The following CACNA2D3 variants were observed in gnomAD, a reference collection of about 807,000 sequenced individuals.
The protein encoded by CACNA2D3 is voltage-dependent calcium channel subunit alpha-2/delta-3.
CACNA2D3 carries 60 observed loss-of-function variants against 160.6 expected under a neutral mutation model. The observed-to-expected ratio is 0.37, with a 90% confidence interval of 0.30 to 0.46. CACNA2D3 has a LOEUF of 0.46. Ranked by LOEUF, CACNA2D3 falls within the 20% of genes least tolerant of loss-of-function variation. The pLI, the probability that CACNA2D3 is intolerant of heterozygous loss-of-function variation, is 1.00. For missense variants in CACNA2D3, 1,205 were observed against 1,365.0 expected, an observed-to-expected ratio of 0.88 and a Z score of 1.85; for synonymous variants, 558 against 492.9, an observed-to-expected ratio of 1.13 and a Z score of -1.75.
intron 11 of CACNA2D3, among the ~76,000 whole-genome samples, chr3:54,736,117 A>G (rs1164020990): frequency 5.1e-5 from 1 of 19,724 alleles, no homozygotes; most frequent in South Asian, 1.8e-3. Context: ...ATGTATATAT[A>G]TACATATATA....
intron 2 of CACNA2D3, among the ~76,000 whole-genome samples, chr3:54,210,152 C>T (rs1701347088): frequency 6.6e-6 from 1 of 152,066 alleles, no homozygotes; most frequent in Admixed American, 6.6e-5. Context: ...AAAAGTAGAG[C>T]AGTAAGGAGG....
chr3:54,267,321 G>C (rs1406202118), intron 2 of CACNA2D3, among the ~76,000 whole-genome samples: 2 of 152,176 alleles, frequency 1.3e-5, no homozygotes, highest in African/African-American at 4.8e-5. Flanking sequence ...TTTAGTGAAA[G>C]TGACTTGCTG....
chr3:54,723,506 C>T (rs1481186693), intron 11 of CACNA2D3, among the ~76,000 whole-genome samples: 1 of 152,214 alleles, frequency 6.6e-6, no homozygotes, highest in African/African-American at 2.4e-5. Flanking sequence ...GCTTGAAACC[C>T]AGGGCCCTGG....
intron 4 of CACNA2D3, among the ~76,000 whole-genome samples, chr3:54,434,219 G>A (rs1700029459): frequency 1.3e-5 from 2 of 152,150 alleles, no homozygotes; most frequent in African/African-American, 4.8e-5. Context: ...CAAGTTGGGG[G>A]TAGTCAGCTT....
chr3:54,614,881 C>G (rs1309590586), intron 9 of CACNA2D3, among the ~76,000 whole-genome samples: 1 of 152,082 alleles, frequency 6.6e-6, no homozygotes, highest in Non-Finnish European at 1.5e-5. Context: ...CAAAAATCAT[C>G]AACATTTGGA....
At chr3:54,950,614 G>A (rs1701734140) in intron 27 of CACNA2D3, among the ~76,000 whole-genome samples, 1 of 152,126 alleles carries the variant, frequency 6.6e-6, no homozygotes, top group Non-Finnish European at 1.5e-5. Flanking sequence ...CAGGAGAGTG[G>A]ACCTGCACAG....
intron 4 of CACNA2D3, among the ~76,000 whole-genome samples, chr3:54,438,756 A>C (rs1472329615): frequency 6.6e-6 from 1 of 152,246 alleles, no homozygotes; most frequent in African/African-American, 2.4e-5. Context: ...GGGGTAATTT[A>C]ACAATCATTA....
At chr3:54,438,998 T>A (rs771832730) in intron 4 of CACNA2D3, among the ~76,000 whole-genome samples, 2 of 152,206 alleles carry the variant, frequency 1.3e-5, no homozygotes, top group Admixed American at 6.5e-5. Context: ...GCCCAATCAG[T>A]CGACCAGGTG....
At chr3:55,041,861 C>G (rs1703966992) in intron 35 of CACNA2D3, among the ~76,000 whole-genome samples, 2 of 151,866 alleles carry the variant, frequency 1.3e-5, no homozygotes, top group Non-Finnish European at 2.9e-5. Context: ...CTTTTACTGT[C>G]TTGTAGTTTA....
At chr3:54,724,267 G>A (rs563378221) in intron 11 of CACNA2D3, among the ~76,000 whole-genome samples, 14 of 152,262 alleles carry the variant, frequency 9.2e-5, no homozygotes, top group African/African-American at 3.4e-4. Flanking sequence ...GATTCATAAA[G>A]CAAGTTCTTA....
At chr3:54,797,180 C>T (rs1297498108) in intron 13 of CACNA2D3, among the ~76,000 whole-genome samples, 1 of 152,196 alleles carries the variant, frequency 6.6e-6, no homozygotes, top group Admixed American at 6.5e-5. Flanking sequence ...GACATTGTGT[C>T]TTTTGTTTCT....
chr3:54,924,629 A>G lies in CACNA2D3; in HGVS notation c.2449+24761A>G, dbSNP rs780853920. The G allele has an allele frequency of 3.7e-6, 6 of 1,613,464 alleles. No individual in the cohort carries two copies. In the East Asian group the frequency reaches 8.9e-5, roughly 24 times the overall value. On this transcript the variant is annotated intron_variant, in intron 27 of 37. Coordinates refer to ENST00000474759, the MANE Select transcript of CACNA2D3 (RefSeq NM_018398.3). ...ATAGACATGACTGACCTTTATAGAC[A>G]AATTTCTCCAGCCAGAGTTTAAGAC...
rs140574608 is a variant in CACNA2D3 at position 55,023,768 on chromosome 3, T to C, written c.2987+5451T>C. On this transcript the variant is annotated intron_variant, in intron 35 of 37. Coordinates refer to ENST00000474759, the MANE Select transcript of CACNA2D3 (RefSeq NM_018398.3). ...TATGTAAGTTTTTTGTATTTAGGAA[T>C]TTCTGTACCATATAATTAGAATACA... Among the ~76,000 whole-genome samples, 374 of 152,142 alleles carry C rather than the reference T, an allele frequency of 2.5e-3. 3 individuals are homozygous for C. The highest frequency in any genetic ancestry group is 8.6e-3 in the African/African-American group (358 of 41,504).
intron 31 of CACNA2D3, among the ~76,000 whole-genome samples, chr3:54,997,567 A>AG (rs1702886554): frequency 6.6e-6 from 1 of 150,958 alleles, no homozygotes; most frequent in Non-Finnish European, 1.5e-5. Flanking sequence ...CCCAAAAAAA[A>AG]AGAAAAAAAT....
chr3:55,005,432 G>T (rs546558455), intron 32 of CACNA2D3, among the ~76,000 whole-genome samples: 20 of 152,268 alleles, frequency 1.3e-4, no homozygotes, highest in Non-Finnish European at 2.4e-4. Context: ...GAGAAGTTTT[G>T]TTAATTCTCT....
At chr3:54,172,383 C>T (rs183357654) in intron 2 of CACNA2D3, among the ~76,000 whole-genome samples, 111 of 152,266 alleles carry the variant, frequency 7.3e-4, no homozygotes, top group Admixed American at 2.2e-3. Flanking sequence ...GTGGGTTTCC[C>T]CCCTCTCTGG....
chr3:54,981,013 C>T (rs972622652), intron 29 of CACNA2D3, among the ~76,000 whole-genome samples: 4 of 152,162 alleles, frequency 2.6e-5, no homozygotes, highest in Middle Eastern at 3.2e-3. Context: ...TTTTATATTA[C>T]ACATACAACA....
chr3:54,461,808 C>T (rs7430412), intron 4 of CACNA2D3, among the ~76,000 whole-genome samples: 1 of 151,830 alleles, frequency 6.6e-6, no homozygotes, highest in South Asian at 2.1e-4. Context: ...TTATTTCTTG[C>T]CTTCTGCTAG....
At chr3:54,654,700 G>T (rs1053041067) in intron 11 of CACNA2D3, among the ~76,000 whole-genome samples, 1 of 152,180 alleles carries the variant, frequency 6.6e-6, no homozygotes, top group Non-Finnish European at 1.5e-5. Flanking sequence ...CTGTGGGGAT[G>T]CGAATCAGAC....
Sources: allele counts gnomAD v4.1 joint callset (sites outside exome capture counted in the v4.1 genomes callset), GRCh38; gene constraint gnomAD v4.1.1; transcripts MANE v1.5; gene names NCBI Gene and HGNC (gene_info 2026-07-23, HGNC 2026-07-21).